GNAI3: variants seen among roughly 807,000 people sequenced by gnomAD.
GNAI3 encodes the protein guanine nucleotide-binding protein G(i) subunit alpha-3.
A neutral mutation model predicts 41.8 loss-of-function variants in GNAI3; 12 were observed. The ratio of observed to expected loss-of-function variants is 0.29; its 90% CI spans 0.18 to 0.47. GNAI3 has a LOEUF of 0.47. Ranked by LOEUF, GNAI3 falls within the 20% of genes least tolerant of loss-of-function variation. The pLI is 1.00. For missense variants in GNAI3, 360 were observed against 429.6 expected, an observed-to-expected ratio of 0.84 and a Z score of 1.43; for synonymous variants, 132 against 146.5, an observed-to-expected ratio of 0.90 and a Z score of 0.71.
intron 1 of GNAI3, among the ~76,000 whole-genome samples, chr1:109,553,095 T>G (rs909091297): frequency 1.3e-5 from 2 of 152,216 alleles, no homozygotes; most frequent in African/African-American, 4.8e-5. Flanking sequence ...TCGTGAGAAT[T>G]ACCATTTTAG....
chr1:109,565,031 G>A (rs1399923138), intron 1 of GNAI3, among the ~76,000 whole-genome samples: 1 of 152,040 alleles, frequency 6.6e-6, no homozygotes, highest in East Asian at 1.9e-4. Context: ...GGGAGGCCGA[G>A]GCTGGTGGAT....
rs2101115316 is a variant in GNAI3, at chr1:109,595,212, T to C, written c.*2890T>C. 6.6e-6 allele frequency: 1 copy of C among 152,324 alleles called. No individual in the cohort carries two copies. Among genetic ancestry groups the C allele is most frequent in the East Asian group, 1.9e-4 (1 of 5,188 alleles). The allele number at this position is 152,324 out of a possible 1,614,324, so 9.4% of individuals were successfully genotyped here. ...GACCATCAAAGAAGCCATTAGTCTC[T>C]GTGTAAAGAAGAAGTATTCTTAATG... is the stretch of plus-strand genomic sequence containing the variant. On this transcript the variant is annotated 3_prime_UTR_variant, in exon 9 of 9. Transcript: ENST00000369851.
intron 1 of GNAI3, among the ~76,000 whole-genome samples, chr1:109,553,415 G>A (rs1648046816): frequency 6.6e-6 from 1 of 152,048 alleles, no homozygotes; most frequent in Admixed American, 6.5e-5. Context: ...GCAGAGAACT[G>A]GAATCATCTA....
intron 4 of GNAI3, among the ~76,000 whole-genome samples, chr1:109,581,284 A>G (rs1471205638): frequency 6.6e-6 from 1 of 151,820 alleles, no homozygotes; most frequent in Non-Finnish European, 1.5e-5. Context: ...TTAGATTAAA[A>G]AAAAAAACCC....
At chr1:109,556,481 G>A (rs936367408) in intron 1 of GNAI3, among the ~76,000 whole-genome samples, 1 of 152,148 alleles carries the variant, frequency 6.6e-6, no homozygotes, top group African/African-American at 2.4e-5. Flanking sequence ...GAGTCTTTTG[G>A]TTCCTTTTTT....
chr1:109,574,176 A>G, intron 3 of GNAI3, 139 bp downstream of exon 3: 1 of 599,338 alleles, frequency 1.7e-6, no homozygotes, highest in Non-Finnish European at 2.9e-6. Flanking sequence ...TGCTCACTTG[A>G]GAAATGTTAG....
chr1:109,565,407 G>C (rs1648424914), intron 1 of GNAI3, among the ~76,000 whole-genome samples: 1 of 152,174 alleles, frequency 6.6e-6, no homozygotes, highest in Non-Finnish European at 1.5e-5. Context: ...GGTTAGAAGG[G>C]AGTGAGGCTA....
chr1:109,548,898 C>A, intron 1 of GNAI3, 60 bp downstream of exon 1: 1 of 1,132,160 alleles, frequency 8.8e-7, no homozygotes, highest in Non-Finnish European at 1.3e-6. Flanking sequence ...CTTGGAAGGC[C>A]TGAACGGGGT....
intron 5 of GNAI3, 80 bp from the exon 6 acceptor site, chr1:109,586,136 G>A: frequency 1.7e-6 from 2 of 1,188,004 alleles, no homozygotes; most frequent in South Asian, 1.8e-5. Context: ...ATGTAATAGT[G>A]GGAAGTTTCC....
At chr1:109,562,110 A>C (rs1174474457) in intron 1 of GNAI3, among the ~76,000 whole-genome samples, 1 of 152,336 alleles carries the variant, frequency 6.6e-6, no homozygotes, top group Admixed American at 6.5e-5. Flanking sequence ...ATATGAATAT[A>C]TGTGTGTATA....
rs567469567 is a variant in GNAI3 at position 109,551,706 on chromosome 1, A to G, written c.118+2868A>G. Among the ~76,000 whole-genome samples, 99 of 152,348 alleles carry G rather than the reference A, an allele frequency of 6.5e-4. 1 individual carries two copies. The highest frequency in any genetic ancestry group is 2.3e-3 in the African/African-American group (97 of 41,584). On this transcript the variant is annotated intron_variant, in intron 1 of 8. Transcript: ENST00000369851. ...CAGCTTGGCACATAGTACTAGCTCC[A>G]TGAAGATTAGCTATTCTTATTAAGT...
intron 5 of GNAI3, among the ~76,000 whole-genome samples, chr1:109,583,654 C>G (rs372446249): frequency 6.6e-5 from 10 of 151,912 alleles, no homozygotes; most frequent in South Asian, 2.1e-4. Context: ...GATCTCGGCT[C>G]GTTGCAACCT....
intron 1 of GNAI3, among the ~76,000 whole-genome samples, chr1:109,571,026 T>TA (rs1425151544): frequency 3.3e-5 from 5 of 152,196 alleles, no homozygotes; most frequent in Admixed American, 1.3e-4. Flanking sequence ...TTGCTTTATT[T>TA]AAAAAAATTA....
intron 2 of GNAI3, 56 bp downstream of exon 2, chr1:109,573,835 T>G: frequency 4.4e-6 from 7 of 1,591,262 alleles, no homozygotes; most frequent in Non-Finnish European, 6.0e-6. Flanking sequence ...GCATATAAAG[T>G]CCATAGTATC....
rs1007363351 is a variant in GNAI3, at chr1:109,594,939, C to T, written c.*2617C>T. 1.2e-4 allele frequency: 19 copies of T among 152,010 alleles called. No homozygotes were observed. Among genetic ancestry groups the T allele is most frequent in the African/African-American group, 4.6e-4 (19 of 41,364 alleles). 9.4% of individuals were successfully genotyped at this position (152,010 alleles called of 1,614,324 possible). The stretch of plus-strand genomic sequence containing the variant: ...GGCGTGAGCCACCGCACCTGGCTGG[C>T]AATTTATAATTTTTAAAAGGTGATT... On this transcript the variant is annotated 3_prime_UTR_variant, in exon 9 of 9. Coordinates refer to ENST00000369851, the MANE Select transcript of GNAI3 (RefSeq NM_006496.4).
intron 7 of GNAI3, among the ~76,000 whole-genome samples, chr1:109,590,913 G>T (rs1222880862): frequency 1.3e-5 from 2 of 151,944 alleles, no homozygotes; most frequent in African/African-American, 2.4e-5. Context: ...TTATATCTTT[G>T]TTATTGATAT....
rs1649235479 is a variant in GNAI3 at position 109,594,048 on chromosome 1, A to G, written c.*1726A>G. 1 of 152,658 alleles carries G rather than the reference A, an allele frequency of 6.6e-6. No individual in the cohort carries two copies. Among genetic ancestry groups the G allele is most frequent in the African/African-American group, 2.4e-5 (1 of 41,454 alleles). 9.5% of individuals were successfully genotyped at this position (152,658 alleles called of 1,614,324 possible). ...ACTTTTTTTGTGATTCTTTTTGGAA[A>G]ATCATAGCTTACAGATGGTATAACT... On this transcript the variant is annotated 3_prime_UTR_variant, in exon 9 of 9. Transcript: ENST00000369851.
At chr1:109,586,125 T>G in intron 5 of GNAI3, 91 bp from the exon 6 acceptor site, 1 of 1,017,914 alleles carries the variant, frequency 9.8e-7, no homozygotes, top group Non-Finnish European at 1.4e-6. Context: ...AAGTTTTGAA[T>G]ATGTAATAGT....
At chr1:109,550,261 C>T (rs1647947002) in intron 1 of GNAI3, among the ~76,000 whole-genome samples, 1 of 152,140 alleles carries the variant, frequency 6.6e-6, no homozygotes, top group Non-Finnish European at 1.5e-5. Context: ...ATTGCAGAAG[C>T]TCTGGTAATA....
Sources: allele counts gnomAD v4.1 joint callset (sites outside exome capture counted in the v4.1 genomes callset), GRCh38; gene constraint gnomAD v4.1.1; transcripts MANE v1.5; gene names NCBI Gene and HGNC (gene_info 2026-07-23, HGNC 2026-07-21).